The following INPP5F variants were observed in gnomAD, a reference collection of about 807,000 sequenced individuals.
INPP5F encodes phosphatidylinositide 4-phosphatase SAC2.
In INPP5F, 97 loss-of-function variants were observed where a neutral mutation model predicts 137.2. That is an observed-to-expected ratio of 0.71 (90% CI 0.60 to 0.84). INPP5F has a LOEUF of 0.84. INPP5F is among the 40% of genes least tolerant of loss of function. The pLI, the probability that INPP5F is intolerant of heterozygous loss-of-function variation, is 0.00. For missense variants in INPP5F, 1,271 were observed against 1,371.9 expected (o/e 0.93, Z 1.16); for synonymous variants, 504 against 476.9 (o/e 1.06, Z -0.74).
Position 119,768,065 on chromosome 10 carries a change from A to G in INPP5F, c.179-13570A>G, listed in dbSNP as rs1431958486. On this transcript the variant is annotated intron_variant, in intron 2 of 19. Coordinates refer to ENST00000650623, the MANE Select transcript of INPP5F (RefSeq NM_014937.4). ...TTTCCTTCTTTACCAACATGTCTCCATCCTCTGATGTATCCAGTGCAAATA... is the reference window on the plus strand; with the variant it reads ...TTTCCTTCTTTACCAACATGTCTCCGTCCTCTGATGTATCCAGTGCAAATA... 2.0e-5 allele frequency among the ~76,000 whole-genome samples: 3 copies of G among 152,190 alleles called. No individual in the cohort carries two copies. The East Asian group carries it at 5.8e-4, about 29-fold the overall frequency.
At chr10:119,785,176 A>T (rs1405758758) in intron 3 of INPP5F, among the ~76,000 whole-genome samples, 1 of 151,428 alleles carries the variant, frequency 6.6e-6, no homozygotes, top group Non-Finnish European at 1.5e-5. Context: ...CATTTTGCAT[A>T]CAAGTTCTTG....
rs755439434 is a variant in INPP5F, at chr10:119,726,234, C to T, written c.-29C>T. The T allele has an allele frequency of 2.3e-5, 32 of 1,406,044 alleles. No homozygotes were observed. The highest frequency in any genetic ancestry group is 1.7e-4 in the African/African-American group (11 of 66,130). 87.1% of individuals were successfully genotyped at this position (1,406,044 alleles called of 1,614,324 possible). On this transcript the variant is annotated 5_prime_UTR_variant, in exon 1 of 20. Transcript: ENST00000650623. ...GACGCCCCGTGCGCCGCCCGCGGGC[C>T]GCCGCCTCCCTGGGCGCGCGGGGCC...
chr10:119,801,815 A>G (rs998223793), intron 9 of INPP5F, among the ~76,000 whole-genome samples: 1 of 152,204 alleles, frequency 6.6e-6, no homozygotes, highest in Admixed American at 6.5e-5. Context: ...GTAACGTGCA[A>G]TTATAAAACA....
chr10:119,796,281 T>TAA (rs1427101146), intron 6 of INPP5F, among the ~76,000 whole-genome samples: 1 of 152,236 alleles, frequency 6.6e-6, no homozygotes, highest in Admixed American at 6.5e-5. Flanking sequence ...TGTATTTTAT[T>TAA]AAAGCCTTAA....
At chr10:119,795,754 C>T (rs1020976464) in intron 6 of INPP5F, among the ~76,000 whole-genome samples, 4 of 152,108 alleles carry the variant, frequency 2.6e-5, no homozygotes, top group South Asian at 2.1e-4. Flanking sequence ...TGTAGCCAGC[C>T]GAGATCATGC....
intron 1 of INPP5F, among the ~76,000 whole-genome samples, chr10:119,744,658 C>T (rs1378787218): frequency 6.6e-6 from 1 of 152,138 alleles, no homozygotes; most frequent in African/African-American, 2.4e-5. Flanking sequence ...CTCAAGTGAT[C>T]CTCCTGCCTC....
intron 2 of INPP5F, among the ~76,000 whole-genome samples, chr10:119,761,839 G>T (rs1849019028): frequency 6.6e-6 from 1 of 152,136 alleles, no homozygotes; most frequent in Non-Finnish European, 1.5e-5. Context: ...AATAAAATTG[G>T]AGCATAATTG....
intron 15 of INPP5F, among the ~76,000 whole-genome samples, chr10:119,817,503 T>TA: frequency 6.6e-6 from 1 of 152,222 alleles, no homozygotes; most frequent in East Asian, 1.9e-4. Context: ...TGCCAACACT[T>TA]ATTTTCCTTT....
At chr10:119,736,740 A>C (rs1419040280) in intron 1 of INPP5F, among the ~76,000 whole-genome samples, 1 of 152,234 alleles carries the variant, frequency 6.6e-6, no homozygotes, top group Non-Finnish European at 1.5e-5. Context: ...GTAGAGTTTA[A>C]GAACCAATTT....
chr10:119,824,333 GTTA>G (rs953826517), intron 19 of INPP5F, among the ~76,000 whole-genome samples: 7 of 152,156 alleles, frequency 4.6e-5, no homozygotes, highest in Non-Finnish European at 2.9e-5. Flanking sequence ...GTAGTTTAAT[GTTA>G]TTTCCTCAAT....
intron 1 of INPP5F, among the ~76,000 whole-genome samples, chr10:119,726,615 G>A (rs991739280): frequency 5.9e-5 from 9 of 152,236 alleles, no homozygotes; most frequent in African/African-American, 1.9e-4. Context: ...CGCGTCACGC[G>A]GCCGCCCTTG....
intron 1 of INPP5F, among the ~76,000 whole-genome samples, chr10:119,740,770 T>C (rs1037087312): frequency 2.6e-5 from 4 of 152,154 alleles, no homozygotes; most frequent in African/African-American, 9.7e-5. Flanking sequence ...CTCAAACTCC[T>C]GACCTCATCA....
chr10:119,796,375 A>G (rs1260853448), intron 6 of INPP5F, among the ~76,000 whole-genome samples: 5 of 152,198 alleles, frequency 3.3e-5, no homozygotes, highest in African/African-American at 9.7e-5. Context: ...CACTACGTGT[A>G]TTATCCATTT....
At chr10:119,812,438 G>A (rs1382715762) in intron 15 of INPP5F, among the ~76,000 whole-genome samples, 1 of 149,004 alleles carries the variant, frequency 6.7e-6, no homozygotes, top group East Asian at 2.0e-4. Context: ...TCAATGAATA[G>A]TGGGATCTAA....
At chr10:119,782,333 T>G (rs1010828633) in intron 3 of INPP5F, among the ~76,000 whole-genome samples, 2 of 152,202 alleles carry the variant, frequency 1.3e-5, no homozygotes, top group East Asian at 3.8e-4. Context: ...GGCTAGTGTT[T>G]TTTACCACAA....
chr10:119,783,816 A>G (rs1359110672), intron 3 of INPP5F, among the ~76,000 whole-genome samples: 11 of 152,232 alleles, frequency 7.2e-5, no homozygotes, highest in Admixed American at 2.0e-4. Flanking sequence ...TGGGCTGTAC[A>G]GTATAAACTA....
chr10:119,790,618 AAC>A (rs1453007645), intron 3 of INPP5F, among the ~76,000 whole-genome samples: 1 of 152,234 alleles, frequency 6.6e-6, no homozygotes, highest in African/African-American at 2.4e-5. Flanking sequence ...GTTATTTTGT[AAC>A]ACACTGATGA....
intron 2 of INPP5F, among the ~76,000 whole-genome samples, chr10:119,774,155 G>A (rs1849446154): frequency 2.6e-5 from 4 of 151,230 alleles, no homozygotes; most frequent in African/African-American, 7.3e-5. Context: ...TCAGCTACTC[G>A]GGAGGCTGAG....
Position 119,726,211 on chromosome 10 carries a change from C to T in INPP5F, c.-52C>T. 1.6e-6 allele frequency: 2 copies of T among 1,215,468 alleles called. No homozygotes were observed. Among genetic ancestry groups the T allele is most frequent in the Non-Finnish European group, 2.2e-6 (2 of 920,946 alleles). 75.3% of individuals were successfully genotyped at this position (1,215,468 alleles called of 1,614,324 possible). On this transcript the variant is annotated 5_prime_UTR_variant, in exon 1 of 20. The change creates a new upstream start codon in the 5' untranslated region. Coordinates refer to ENST00000650623, the MANE Select transcript of INPP5F (RefSeq NM_014937.4). ...CTCTGGCGGCCTCGACCGACTAGGA[C>T]GCCCCGTGCGCCGCCCGCGGGCCGC...
Sources: allele counts gnomAD v4.1 joint callset (sites outside exome capture counted in the v4.1 genomes callset), GRCh38; gene constraint gnomAD v4.1.1; transcripts MANE v1.5; gene names NCBI Gene and HGNC (gene_info 2026-07-23, HGNC 2026-07-21).